ABLIM1: variants seen among roughly 807,000 people sequenced by gnomAD.
The protein encoded by ABLIM1 is actin-binding LIM protein 1.
A neutral mutation model predicts 107.0 loss-of-function variants in ABLIM1; 40 were observed. The ratio of observed to expected loss-of-function variants is 0.37; its 90% confidence interval spans 0.29 to 0.49. ABLIM1 has a LOEUF of 0.49. Ranked by LOEUF, ABLIM1 falls within the 20% of genes least tolerant of loss-of-function variation. The pLI is 0.97. For synonymous variants in ABLIM1, 357 were observed against 357.3 expected (o/e 1.00, Z 0.01); for missense variants, 857 against 1,008.5 (o/e 0.85, Z 2.04).
Position 114,436,051 on chromosome 10 carries a change from T to C in ABLIM1, c.*209A>G, listed in dbSNP as rs7919465. 10,084 of 560,624 alleles carry C rather than the reference T, an allele frequency of 0.018. 849 individuals are homozygous for C. Among genetic ancestry groups the C allele is most frequent in the African/African-American group, 0.17 (9,175 of 53,268 alleles). The allele number at this position is 560,624 out of a possible 1,614,324, so 34.7% of individuals were successfully genotyped here. ...GGACACTACTCTGTGTTTCGGAACA[T>C]AGAAATTTCTACGCCATGCTTCTTG... On this transcript the variant is annotated 3_prime_UTR_variant, in exon 23 of 23. Transcript: ENST00000533213.
rs11405856 is a variant in ABLIM1, at chr10:114,728,592, CA to C, written c.-213+39468del. ...TAATCTGAAAGACAAAATGGAGAGC[CA>C]AAAAAAAAAAAAATAGAAAAAACAA... On this transcript the variant is annotated intron_variant, in intron 1 of 15. Coordinates refer to the ABLIM1 transcript ENST00000651092. 3.1e-3 allele frequency among the ~76,000 whole-genome samples: 391 copies of C among 125,354 alleles called. 2 individuals carry two copies. Among genetic ancestry groups the C allele is most frequent in the African/African-American group, 9.7e-3 (319 of 32,882 alleles). 82.2% of individuals were successfully genotyped at this position (125,354 alleles called of 152,430 possible).
upstream of ABLIM1, among the ~76,000 whole-genome samples, chr10:114,686,992 A>C (rs925008708): frequency 2.0e-5 from 3 of 152,196 alleles, no homozygotes; most frequent in African/African-American, 7.2e-5. Flanking sequence ...AATCAGAGAC[A>C]CGGTTGTGTG....
At chr10:114,763,713 A>G (rs1472226043) in intron 1 of ABLIM1, among the ~76,000 whole-genome samples, 2 of 152,178 alleles carry the variant, frequency 1.3e-5, no homozygotes, top group Non-Finnish European at 2.9e-5. Context: ...TTATAACTTA[A>G]AAATAACTTT....
At chr10:114,480,465 A>C (rs190600988) in intron 8 of ABLIM1, among the ~76,000 whole-genome samples, 2 of 152,310 alleles carry the variant, frequency 1.3e-5, no homozygotes, top group Admixed American at 1.3e-4. Flanking sequence ...TCATTTAAGC[A>C]CCTTTTCCTT....
chr10:114,495,084 C>A (rs554259728), intron 6 of ABLIM1, among the ~76,000 whole-genome samples: 1 of 152,010 alleles, frequency 6.6e-6, no homozygotes, highest in Non-Finnish European at 1.5e-5. Context: ...GAGAAGACAG[C>A]GAGAATATAC....
At chr10:114,690,273 T>C in intron 1 of ABLIM1, 1 of 1,547,284 alleles carries the variant, frequency 6.5e-7, no homozygotes, top group Non-Finnish European at 8.9e-7. Context: ...ATGCTTGCCA[T>C]CCAACCACTC....
chr10:114,436,474 A>G (rs1223263767), intron 22 of ABLIM1, 101 bp from the exon 23 acceptor site: 1 of 872,988 alleles, frequency 1.1e-6, no homozygotes. Flanking sequence ...ATTCTGAAGA[A>G]CAAGGCAGGA....
intron 2 of ABLIM1, among the ~76,000 whole-genome samples, chr10:114,590,594 G>C (rs2074754010): frequency 6.6e-6 from 1 of 152,154 alleles, no homozygotes; most frequent in Non-Finnish European, 1.5e-5. Context: ...GAGAAACCCA[G>C]GGTTTTAGTT....
At chr10:114,450,353 G>C (rs910824466) in intron 14 of ABLIM1, among the ~76,000 whole-genome samples, 1 of 148,586 alleles carries the variant, frequency 6.7e-6, no homozygotes, top group African/African-American at 2.5e-5. Flanking sequence ...TCCTGATTTT[G>C]GTCTAAAATT....
At chr10:114,476,966 C>G (rs1459764262) in intron 8 of ABLIM1, among the ~76,000 whole-genome samples, 3 of 152,060 alleles carry the variant, frequency 2.0e-5, no homozygotes. Context: ...CCAAGCACTT[C>G]CCAGGCTTAA....
intron 1 of ABLIM1, among the ~76,000 whole-genome samples, chr10:114,703,015 G>C (rs562151864): frequency 6.6e-6 from 1 of 151,952 alleles, no homozygotes; most frequent in Non-Finnish European, 1.5e-5. Context: ...ATAAACTTTG[G>C]GAGTACCTAG....
chr10:114,494,060 ATAAATCAACAG>A (rs2059366775), intron 6 of ABLIM1, among the ~76,000 whole-genome samples: 1 of 152,240 alleles, frequency 6.6e-6, no homozygotes, highest in Admixed American at 6.5e-5. Context: ...GGAGTAGAAA[ATAAATCAACAG>A]TAGAGAAGAG....
At chr10:114,590,792 A>G (rs1416596448) in intron 2 of ABLIM1, among the ~76,000 whole-genome samples, 6 of 152,170 alleles carry the variant, frequency 3.9e-5, no homozygotes, top group African/African-American at 1.4e-4. Flanking sequence ...CCCAAAGGCC[A>G]CTTCCATCAC....
At chr10:114,688,535 T>C (rs915408763), upstream of ABLIM1, among the ~76,000 whole-genome samples, 3 of 152,188 alleles carry the variant, frequency 2.0e-5, no homozygotes, top group African/African-American at 7.2e-5. Context: ...ATAGCTCACA[T>C]TGACCGAGGG....
At chr10:114,645,617 T>A (rs72831049) in intron 1 of ABLIM1, among the ~76,000 whole-genome samples, 1 of 152,346 alleles carries the variant, frequency 6.6e-6, no homozygotes, top group Non-Finnish European at 1.5e-5. Flanking sequence ...AGACCAAGCA[T>A]GTTCATCAGA....
In ABLIM1 at chr10:114,601,849, G is replaced by A. The variant is rs1278041635; in HGVS notation, c.357C>T (p.His119=). The stretch of plus-strand genomic sequence containing the variant: ...TACCTTTGCAGGTGAAACACTTGAT[G>A]TGGAAATGTTTGGTCTGGACCCGAA... ...EVLRVQTKHF[H]IKCFTCKVCG... The change falls in exon 2 of 23, where the codon CAC becomes CAT. Residue 119 remains histidine (H), a synonymous_variant. Transcript: ENST00000533213. The A allele has an allele frequency of 6.2e-7, 1 of 1,614,070 alleles. No individual in the cohort carries two copies. The highest frequency in any genetic ancestry group is 1.3e-5 in the African/African-American group (1 of 74,916).
chr10:114,509,852 A>C (rs960742735), intron 6 of ABLIM1, among the ~76,000 whole-genome samples: 2 of 152,206 alleles, frequency 1.3e-5, no homozygotes, highest in Non-Finnish European at 2.9e-5. Context: ...AAAGAGGTTG[A>C]ATGGACTCAC....
chr10:114,656,562 T>C (rs958198175), intron 1 of ABLIM1, among the ~76,000 whole-genome samples: 2 of 152,144 alleles, frequency 1.3e-5, no homozygotes, highest in African/African-American at 4.8e-5. Flanking sequence ...CCCTCGAACC[T>C]TGTTATGACA....
At chr10:114,759,761 C>T (rs1303499384) in intron 1 of ABLIM1, among the ~76,000 whole-genome samples, 1 of 152,126 alleles carries the variant, frequency 6.6e-6, no homozygotes, top group Non-Finnish European at 1.5e-5. Flanking sequence ...AAGGAATACA[C>T]CGACACCATA....
Sources: gnomAD v4.1 joint callset for allele counts (sites outside exome capture counted in the v4.1 genomes callset) on GRCh38, gnomAD v4.1.1 for gene constraint, MANE v1.5 for transcripts, NCBI Gene and HGNC (gene_info 2026-07-23, HGNC 2026-07-21) for gene names.